Variants in GFPT2 observed in about 807,000 individuals in gnomAD.
The protein encoded by GFPT2 is glutamine--fructose-6-phosphate transaminase 2.
GFPT2 carries 62 observed loss-of-function variants against 85.6 expected under a neutral mutation model. The ratio of observed to expected loss-of-function variants is 0.72; its 90% CI spans 0.59 to 0.90. GFPT2 has a LOEUF of 0.90. Ranked by LOEUF, GFPT2 falls within the 40% of genes least tolerant of loss-of-function variation. The probability of loss-of-function intolerance (pLI) is 0.00; values close to 1 mark genes in which losing one functional copy is unlikely to be tolerated. For missense variants in GFPT2, 788 were observed against 893.4 expected, an observed-to-expected ratio of 0.88 and a Z score of 1.50; for synonymous variants, 368 against 344.5, an observed-to-expected ratio of 1.07 and a Z score of -0.75.
chr5:180,314,313 C>T (rs1763960543), intron 13 of GFPT2, among the ~76,000 whole-genome samples: 1 of 152,214 alleles, frequency 6.6e-6, no homozygotes, highest in Non-Finnish European at 1.5e-5. Context: ...AGCGCCCTCT[C>T]TGCAACTGAA....
chr5:180,343,063 G>A (rs1370547772), intron 1 of GFPT2, among the ~76,000 whole-genome samples: 1 of 152,158 alleles, frequency 6.6e-6, no homozygotes, highest in Non-Finnish European at 1.5e-5. Flanking sequence ...GAACTTTCCT[G>A]GCATCCTGGG....
intron 14 of GFPT2, among the ~76,000 whole-genome samples, chr5:180,312,763 T>C (rs189795330): frequency 6.6e-6 from 1 of 152,052 alleles, no homozygotes; most frequent in African/African-American, 2.4e-5. Context: ...TTAGGTTTTA[T>C]TTATCTATTT....
chr5:180,312,846 G>A (rs1481123772), intron 14 of GFPT2, among the ~76,000 whole-genome samples: 4 of 151,964 alleles, frequency 2.6e-5, no homozygotes, highest in East Asian at 1.9e-4. Context: ...GCTCGATCTC[G>A]GCTCACTGCA....
At chr5:180,335,764 GCACTGGCCCTGA>G in intron 4 of GFPT2, 52 bp downstream of exon 4, 1 of 1,534,798 alleles carries the variant, frequency 6.5e-7, no homozygotes. Flanking sequence ...GCTTTGGCGG[GCACTGGCCCTGA>G]CACAGCTCAG....
chr5:180,339,338 C>T (rs1764464101), intron 1 of GFPT2, among the ~76,000 whole-genome samples: 1 of 148,498 alleles, frequency 6.7e-6, no homozygotes, highest in Non-Finnish European at 1.5e-5. Context: ...CGAGATCGTG[C>T]CACAGCACTC....
chr5:180,325,204 C>G (rs1009875800), intron 7 of GFPT2, among the ~76,000 whole-genome samples: 1 of 152,104 alleles, frequency 6.6e-6, no homozygotes, highest in African/African-American at 2.4e-5. Flanking sequence ...GGTTAGATGG[C>G]GGAGGCTGAG....
At chr5:180,349,453 G>T (rs1232020614) in intron 1 of GFPT2, among the ~76,000 whole-genome samples, 1 of 152,082 alleles carries the variant, frequency 6.6e-6, no homozygotes, top group African/African-American at 2.4e-5. Context: ...CAATTGAAAA[G>T]CACTGTTTAC....
chr5:180,330,691 G>T lies in GFPT2; in HGVS notation c.534+9C>A. ...GGAATGAGTTAGACAGATGGGATTT[G>T]TAACTCACCAACTGCTGAATGACTC... On this transcript the variant is annotated intron_variant, in intron 6 of 18. Coordinates refer to ENST00000253778, the MANE Select transcript of GFPT2 (RefSeq NM_005110.4). The surrounding 1 kb of genome is among the most constrained non-coding windows in gnomAD (Gnocchi z 4.4). 1 of 1,608,328 alleles carries T rather than the reference G, an allele frequency of 6.2e-7. No homozygotes were observed. The highest frequency in any genetic ancestry group is 8.5e-7 in the Non-Finnish European group (1 of 1,174,984).
chr5:180,334,409 C>G (rs1268983344), intron 4 of GFPT2, among the ~76,000 whole-genome samples: 2 of 152,180 alleles, frequency 1.3e-5, no homozygotes, highest in East Asian at 3.9e-4. Flanking sequence ...CCCATCCCGC[C>G]CAGTTACACT....
chr5:180,316,775 C>T lies in GFPT2; in HGVS notation c.1141G>A (p.Ala381Thr), dbSNP rs771622642. Reference sequence around the variant, plus strand: ...TGTGTCACACTTACAGCCACGGCAGCGTGGTAGCTGGTTCCACAGCCAATC... The same window carrying T: ...TGTGTCACACTTACAGCCACGGCAGTGTGGTAGCTGGTTCCACAGCCAATC... ...IVIGCGTSYH[A>T]AVATRQVLEE... The change falls in exon 12 of 19, where the codon GCT (alanine) becomes ACT (threonine). Residue 381 changes from alanine (A) to threonine (T), a missense_variant. Physicochemically the swap from Ala to Thr is moderately conservative, Grantham distance 58. Coordinates refer to ENST00000253778, the MANE Select transcript of GFPT2 (RefSeq NM_005110.4). 1.7e-5 allele frequency: 28 copies of T among 1,611,578 alleles called. No individual in the cohort carries two copies. The highest frequency in any genetic ancestry group is 2.3e-5 in the Non-Finnish European group (27 of 1,177,786).
chr5:180,328,912 AG>A lies in GFPT2; in HGVS notation c.535-575del, dbSNP rs1469472723. The stretch of plus-strand genomic sequence containing the variant: ...GCATCCGGAGACCCAAGAGAAGCAC[AG>A]GTTGTCATGACCGTTACTGCTATTA... On this transcript the variant is annotated intron_variant, in intron 6 of 18. Transcript: ENST00000253778. The surrounding 1 kb of genome is among the most constrained non-coding windows in gnomAD (Gnocchi z 5.4). 1.3e-5 allele frequency among the ~76,000 whole-genome samples: 2 copies of A among 152,224 alleles called. No homozygotes were observed. Among genetic ancestry groups the A allele is most frequent in the African/African-American group, 2.4e-5 (1 of 41,462 alleles).
chr5:180,336,639 G>T, intron 2 of GFPT2, 62 bp from the exon 3 acceptor site: 1 of 1,099,144 alleles, frequency 9.1e-7, no homozygotes, highest in Non-Finnish European at 1.4e-6. Context: ...ACTTGGCACA[G>T]GTGCTCCGCA....
intron 13 of GFPT2, 24 bp downstream of exon 13, chr5:180,316,317 G>C: frequency 6.2e-7 from 1 of 1,613,320 alleles, no homozygotes. Flanking sequence ...ATGCAAGGCT[G>C]GCCACAATGC....
At chr5:180,319,569 T>C (rs1764079899) in intron 9 of GFPT2, among the ~76,000 whole-genome samples, 1 of 152,120 alleles carries the variant, frequency 6.6e-6, no homozygotes, top group Non-Finnish European at 1.5e-5. Context: ...TATTAATAGC[T>C]CTAATCAAGG....
intron 8 of GFPT2, 35 bp from the exon 9 acceptor site, chr5:180,324,340 G>A: frequency 1.7e-6 from 2 of 1,177,974 alleles, no homozygotes; most frequent in South Asian, 1.3e-5. Flanking sequence ...AAATCCCACT[G>A]GGATGTTTTG....
At position 180,331,190 on chromosome 5, in the gene GFPT2, G is replaced by A. The variant is rs1222732158; in HGVS notation, c.399+305C>T. 3.9e-5 allele frequency among the ~76,000 whole-genome samples: 6 copies of A among 152,302 alleles called. No homozygotes were observed. The East Asian group carries it at 7.7e-4, about 20-fold the overall frequency. ...CTGTCTGACTTTCCGTCCCAACTCCGCCGGTATACGAGTCGCTGTGTTATA... is the reference window on the plus strand; with the variant it reads ...CTGTCTGACTTTCCGTCCCAACTCCACCGGTATACGAGTCGCTGTGTTATA... On this transcript the variant is annotated intron_variant, in intron 5 of 18. Transcript: ENST00000253778.
chr5:180,319,277 C>G (rs181104902), intron 9 of GFPT2, among the ~76,000 whole-genome samples: 185 of 152,316 alleles, frequency 1.2e-3, no homozygotes, highest in African/African-American at 3.8e-3. Flanking sequence ...TCCTTTATAT[C>G]ATCAAATATT....
intron 17 of GFPT2, among the ~76,000 whole-genome samples, chr5:180,303,041 A>G (rs1430575608): frequency 2.0e-5 from 3 of 149,664 alleles, no homozygotes; most frequent in East Asian, 2.0e-4. Context: ...CATCCTGGCT[A>G]ACATGGTGAA....
chr5:180,341,282 C>T (rs1349138790), intron 1 of GFPT2, among the ~76,000 whole-genome samples: 1 of 152,168 alleles, frequency 6.6e-6, no homozygotes, highest in African/African-American at 2.4e-5. Flanking sequence ...GAAATTTTTC[C>T]AGAGGTGAAC....
Sources: gnomAD v4.1 joint callset for allele counts (sites outside exome capture counted in the v4.1 genomes callset) on GRCh38, gnomAD v4.1.1 for gene constraint, Gnocchi (gnomAD v3.1) non-coding constraint, MANE v1.5 for transcripts, NCBI Gene and HGNC (gene_info 2026-07-23, HGNC 2026-07-21) for gene names.